LYG2: variants seen among roughly 807,000 people sequenced by gnomAD.
LYG2 encodes the protein lysozyme g2.
Under a neutral mutation model 22.4 loss-of-function variants are expected in LYG2, and 25 were observed. That is an observed-to-expected ratio of 1.12 (90% CI 0.81 to 1.56). The LOEUF (loss-of-function observed/expected upper bound fraction) is 1.56, where lower values mean the gene tolerates loss of function less well. Ranked by LOEUF, LYG2 falls within the 40% of genes most tolerant of loss-of-function variation. The probability of loss-of-function intolerance (pLI) is 0.00; values close to 1 mark genes in which losing one functional copy is unlikely to be tolerated. For missense variants in LYG2, 266 were observed against 269.5 expected (o/e 0.99, Z 0.09); for synonymous variants, 88 against 97.0 (o/e 0.91, Z 0.55).
intron 3 of LYG2, among the ~76,000 whole-genome samples, chr2:99,252,198 T>C (rs2105274774): frequency 1.6e-5 from 1 of 62,460 alleles, no homozygotes; most frequent in East Asian, 4.5e-4. Context: ...GGACTACAGG[T>C]GCCTGCCACC....
rs942939263 is a variant in LYG2, at chr2:99,255,031, C to A, written c.-37G>T. ...AGGCCAGCACTAACCTTGTTTGCAA[C>A]CTTACAGAGAAAATCTCCCCTCTCT... On this transcript the variant is annotated 5_prime_UTR_variant, in exon 2 of 7. Coordinates refer to ENST00000333017, the MANE Select transcript of LYG2 (RefSeq NM_175735.4). 1 of 152,214 alleles carries A rather than the reference C, an allele frequency of 6.6e-6. No homozygotes were observed. The highest frequency in any genetic ancestry group is 1.5e-5 in the Non-Finnish European group (1 of 68,046). The allele number at this position is 152,214 out of a possible 1,614,324, so 9.4% of individuals were successfully genotyped here.
At chr2:99,246,107 T>C (rs1419547689) in intron 4 of LYG2, among the ~76,000 whole-genome samples, 1 of 152,114 alleles carries the variant, frequency 6.6e-6, no homozygotes, top group Non-Finnish European at 1.5e-5. Flanking sequence ...GACTCTGTCA[T>C]ACACACAAAA....
upstream of LYG2, among the ~76,000 whole-genome samples, chr2:99,257,662 A>T (rs2094038690): frequency 6.6e-6 from 1 of 152,012 alleles, no homozygotes; most frequent in Non-Finnish European, 1.5e-5. Context: ...TACAAATAAA[A>T]CTCTATGGCC....
chr2:99,259,102 T>C (rs2094042370), upstream of LYG2, among the ~76,000 whole-genome samples: 1 of 152,084 alleles, frequency 6.6e-6, no homozygotes, highest in East Asian at 1.9e-4. Context: ...ACATTGCTGG[T>C]TGGAGTATAA....
upstream of LYG2, among the ~76,000 whole-genome samples, chr2:99,256,114 A>C (rs1178529408): frequency 6.6e-6 from 1 of 152,176 alleles, no homozygotes; most frequent in African/African-American, 2.4e-5. Flanking sequence ...TACAGGGAAC[A>C]GGAAGACAAA....
intron 4 of LYG2, among the ~76,000 whole-genome samples, chr2:99,245,840 G>A (rs1231274891): frequency 1.3e-5 from 2 of 152,014 alleles, no homozygotes; most frequent in African/African-American, 4.8e-5. Flanking sequence ...CCTTCAAATT[G>A]CTCATGCCTG....
chr2:99,244,159 G>T, intron 5 of LYG2, 22 bp from the exon 6 acceptor site: 2 of 1,608,982 alleles, frequency 1.2e-6, no homozygotes. Flanking sequence ...AGATAATAAA[G>T]TCAGCATCTG....
intron 3 of LYG2, among the ~76,000 whole-genome samples, chr2:99,250,513 T>A (rs997233232): frequency 6.6e-6 from 1 of 152,072 alleles, no homozygotes; most frequent in African/African-American, 2.4e-5. Flanking sequence ...CAGCTGGGAC[T>A]ACAGGCGCCT....
chr2:99,249,496 C>T (rs1184561422), intron 3 of LYG2, among the ~76,000 whole-genome samples: 2 of 151,534 alleles, frequency 1.3e-5, no homozygotes, highest in Non-Finnish European at 2.9e-5. Context: ...GGCGTGGTGG[C>T]TCACACCTGT....
Position 99,254,599 on chromosome 2 carries a change from T to TA in LYG2, c.-25-315dup, listed in dbSNP as rs200666216. On this transcript the variant is annotated intron_variant, in intron 2 of 6. Transcript: ENST00000333017. ...ACCACAATTTTGTTCCCTTTCTTTT[T>TA]AAAAAAAAAAATACTGATCTTTTCA... is the stretch of plus-strand genomic sequence containing the variant. Among the ~76,000 whole-genome samples, 121 of 149,008 alleles carry TA rather than the reference T, an allele frequency of 8.1e-4. 1 individual carries two copies. The highest frequency in any genetic ancestry group is 6.8e-3 in the Middle Eastern group (2 of 292).
At chr2:99,248,491 C>T (rs544815296) in intron 3 of LYG2, among the ~76,000 whole-genome samples, 3 of 151,044 alleles carry the variant, frequency 2.0e-5, no homozygotes, top group South Asian at 2.1e-4. Context: ...GGACAAAAAA[C>T]CAAACACCAC....
At chr2:99,252,992 A>G (rs1312387127) in intron 3 of LYG2, among the ~76,000 whole-genome samples, 1 of 141,962 alleles carries the variant, frequency 7.0e-6, no homozygotes, top group Non-Finnish European at 1.5e-5. Flanking sequence ...GCTTGCAGTG[A>G]GCTGAGATCG....
chr2:99,253,508 A>G (rs565681026), intron 3 of LYG2, among the ~76,000 whole-genome samples: 3 of 152,152 alleles, frequency 2.0e-5, no homozygotes, highest in Non-Finnish European at 4.4e-5. Context: ...AGACAACTTG[A>G]ACATTGCTCA....
intron 3 of LYG2, among the ~76,000 whole-genome samples, chr2:99,252,822 G>A (rs997414475): frequency 2.0e-5 from 3 of 151,890 alleles, no homozygotes; most frequent in South Asian, 2.1e-4. Context: ...CAAGGCGGAC[G>A]GATCACGAGG....
chr2:99,243,581 G>C, intron 6 of LYG2: 1 of 1,274,202 alleles, frequency 7.8e-7, no homozygotes, highest in Non-Finnish European at 1.1e-6. Context: ...TGTCTCCCAG[G>C]CTGGAGTGCA....
At chr2:99,260,978 G>A in the LYG2 span, among the ~76,000 whole-genome samples, 3 of 152,148 alleles carry the variant, frequency 2.0e-5, no homozygotes, top group East Asian at 1.9e-4. Flanking sequence ...AAAGCTACCC[G>A]GTAGAATTGG....
upstream of LYG2, among the ~76,000 whole-genome samples, chr2:99,258,815 T>C (rs1219170936): frequency 1.3e-5 from 2 of 152,236 alleles, no homozygotes; most frequent in African/African-American, 4.8e-5. Flanking sequence ...TAATCTACTA[T>C]ATGATAGGTA....
At position 99,246,684 on chromosome 2, in the gene LYG2, G is replaced by C. The variant is rs761674802; in HGVS notation, c.180C>G (p.Asn60Lys). ...TTTGCTCTGCTTTTCACTTACCGCA[G>C]TTCATCACACTGTTTGCATCACAAG... ...GATCDANSVM[N>K]CGIRGSEMFA... is the part of the protein sequence containing the mutation. The change falls in exon 4 of 7, where the codon AAC becomes AAG. Residue 60 changes from asparagine (N) to lysine (K), a missense_variant. Asn to Lys is a moderately conservative substitution (Grantham distance 94, BLOSUM62 0). Transcript: ENST00000333017. 2.3e-5 allele frequency: 37 copies of C among 1,612,132 alleles called. No homozygotes were observed. Among genetic ancestry groups the C allele is most frequent in the Non-Finnish European group, 3.0e-5 (35 of 1,179,622 alleles).
At chr2:99,252,674 T>C (rs2094028717) in intron 3 of LYG2, among the ~76,000 whole-genome samples, 1 of 152,156 alleles carries the variant, frequency 6.6e-6, no homozygotes, top group Admixed American at 6.6e-5. Flanking sequence ...ATCCTTTCAC[T>C]GGGAGGCAGT....
Sources: gnomAD v4.1 joint callset for allele counts (sites outside exome capture counted in the v4.1 genomes callset) on GRCh38, gnomAD v4.1.1 for gene constraint, MANE v1.5 for transcripts, NCBI Gene and HGNC (gene_info 2026-07-23, HGNC 2026-07-21) for gene names.